The following USP26 variants were observed in gnomAD, a reference collection of about 807,000 sequenced individuals.
The protein encoded by USP26 is ubiquitin carboxyl-terminal hydrolase 26.
For missense variants in USP26, 649 were observed against 642.3 expected (o/e 1.01, Z -0.11); for synonymous variants, 236 against 240.6 (o/e 0.98, Z 0.18).
chrX:133,056,957 C>T (rs1602979588), intron 5 of USP26, among the ~76,000 whole-genome samples: 1 of 111,973 alleles, frequency 8.9e-6, no homozygotes, highest in South Asian at 3.8e-4. Context: ...GCATGCTAGA[C>T]ACTGATACAT....
At chrX:133,064,476 GAAGTAAAACAC>G (rs745444955) in intron 5 of USP26, among the ~76,000 whole-genome samples, 6 of 111,427 alleles carry the variant, frequency 5.4e-5, no homozygotes, top group Non-Finnish European at 9.4e-5. Context: ...CACATAATTG[GAAGTAAAACAC>G]TCCACAACAA....
intron 5 of USP26, among the ~76,000 whole-genome samples, chrX:133,043,249 G>T (rs1010839241): frequency 2.7e-5 from 3 of 112,090 alleles, no homozygotes; most frequent in Admixed American, 9.4e-5. Context: ...AGAAAGGTGA[G>T]ATTGTAGGAA....
chrX:133,027,059 C>T lies in USP26; in HGVS notation c.1162G>A (p.Ala388Thr). Reference sequence around the variant, plus strand: ...TCTTTCAGTTGATCTAAACAGTGAGCTAAAAACTCATGAGCATCGTTCTGT... The same window carrying T: ...TCTTTCAGTTGATCTAAACAGTGAGTTAAAAACTCATGAGCATCGTTCTGT... ...NAQNDAHEFLAHCLDQLKDNM... is the reference protein window; with the variant it reads ...NAQNDAHEFLTHCLDQLKDNM... The change falls in exon 6 of 6, where the codon GCT becomes ACT. Residue 388 changes from alanine (A) to threonine (T), a missense_variant. Physicochemically the swap from Ala to Thr is moderately conservative, Grantham distance 58. Coordinates refer to ENST00000511190, the MANE Select transcript of USP26 (RefSeq NM_031907.3). The T allele has an allele frequency of 8.3e-7, 1 of 1,211,444 alleles. No homozygotes were observed.
intron 5 of USP26, among the ~76,000 whole-genome samples, chrX:133,047,600 T>C (rs1569510112): frequency 8.9e-6 from 1 of 111,871 alleles, no homozygotes; most frequent in East Asian, 2.8e-4. Context: ...GGACTGAACG[T>C]TTATCCCCAC....
In USP26 at chrX:133,027,230, C is replaced by T. The variant is rs779481758; in HGVS notation, c.991G>A (p.Gly331Ser). Reference protein sequence around the residue: ...DDLLNQSFPWGKIPLNALTMC... With the variant: ...DDLLNQSFPWSKIPLNALTMC... Reference sequence around the variant, plus strand: ...GTAAGAGCATTAAGGGGAATTTTACCCCATGGGAAACTCTGATTAAGTAAA... The same window carrying T: ...GTAAGAGCATTAAGGGGAATTTTACTCCATGGGAAACTCTGATTAAGTAAA... The change falls in exon 6 of 6, where the codon GGT becomes AGT. Residue 331 changes from glycine to serine, a missense_variant. Transcript: ENST00000511190. The T allele has an allele frequency of 8.3e-7, 1 of 1,210,291 alleles. No homozygotes were observed. Among genetic ancestry groups the T allele is most frequent in the Non-Finnish European group, 1.1e-6 (1 of 894,589 alleles).
In USP26 at chrX:133,045,266, T is replaced by G. The variant is rs59603630; in HGVS notation, c.-76-16970A>C. 7.3e-4 allele frequency among the ~76,000 whole-genome samples: 82 copies of G among 111,577 alleles called. No homozygotes were observed. In the East Asian group the frequency reaches 0.018, roughly 25 times the overall value. On this transcript the variant is annotated intron_variant, in intron 5 of 5. Coordinates refer to ENST00000511190, the MANE Select transcript of USP26 (RefSeq NM_031907.3). ...CTAATCTAGTGGGGACTTGGAGAACTTTTGTGTCTAGCTCAGGGATTGTAA... is the reference window on the plus strand; with the variant it reads ...CTAATCTAGTGGGGACTTGGAGAACGTTTGTGTCTAGCTCAGGGATTGTAA...
Position 133,025,433 on chromosome X carries a change from G to A in USP26, c.*46C>T, listed in dbSNP as rs773428130. 10 of 1,208,253 alleles carry A rather than the reference G, an allele frequency of 8.3e-6. No homozygotes were observed. The Admixed American group carries it at 8.7e-5, about 11-fold the overall frequency. ...TTCCTTCCATGGAGGAAGTGGTATC[G>A]AGTGAGACAGTCAGGCAGATCTGTA... On this transcript the variant is annotated 3_prime_UTR_variant, in exon 6 of 6. Coordinates refer to ENST00000511190, the MANE Select transcript of USP26 (RefSeq NM_031907.3).
intron 5 of USP26, among the ~76,000 whole-genome samples, chrX:133,040,465 G>C (rs990310535): frequency 3.6e-5 from 4 of 111,520 alleles, no homozygotes; most frequent in Non-Finnish European, 5.6e-5. Flanking sequence ...AGTTTGGCTG[G>C]ATATGAAATT....
chrX:133,073,373 G>C (rs1779418499), intron 5 of USP26, among the ~76,000 whole-genome samples: 1 of 105,469 alleles, frequency 9.5e-6, no homozygotes, highest in African/African-American at 3.5e-5. Flanking sequence ...TTTCTCCAAG[G>C]ACATCTAATG....
rs943008934 is a variant in USP26, at chrX:133,060,150, A to G, written c.-77+23557T>C. 2.2e-4 allele frequency among the ~76,000 whole-genome samples: 24 copies of G among 111,409 alleles called. No homozygotes were observed. In the Admixed American group the frequency reaches 2.3e-3, roughly 11 times the overall value. ...GTGTATGAGAATAGTTTTTATTTTTATGTAAGCACTTCTCTAAGAGCCTGA... is the reference window on the plus strand; with the variant it reads ...GTGTATGAGAATAGTTTTTATTTTTGTGTAAGCACTTCTCTAAGAGCCTGA... On this transcript the variant is annotated intron_variant, in intron 5 of 5. Coordinates refer to ENST00000511190, the MANE Select transcript of USP26 (RefSeq NM_031907.3).
chrX:133,044,836 G>A (rs1486901302), intron 5 of USP26, among the ~76,000 whole-genome samples: 2 of 113,486 alleles, frequency 1.8e-5, no homozygotes, highest in African/African-American at 6.4e-5. Flanking sequence ...GAAGCCAGCT[G>A]GGCTCCTGAG....
intron 5 of USP26, among the ~76,000 whole-genome samples, chrX:133,080,425 C>G (rs2067566011): frequency 9.0e-6 from 1 of 111,280 alleles, no homozygotes; most frequent in Admixed American, 9.6e-5. Context: ...AGGCAGCAAC[C>G]ACCACTGCAG....
intron 5 of USP26, among the ~76,000 whole-genome samples, chrX:133,050,214 A>G (rs28369608): frequency 0.014 from 1,610 of 111,787 alleles, 39 homozygotes; most frequent in African/African-American, 0.05. Context: ...TATTACTCTT[A>G]CATACAACTT....
At chrX:133,055,493 C>G (rs2067472114) in intron 5 of USP26, among the ~76,000 whole-genome samples, 1 of 111,505 alleles carries the variant, frequency 9.0e-6, no homozygotes, top group Non-Finnish European at 1.9e-5. Context: ...GCCAAACTGC[C>G]CTTTAAACAT....
At chrX:133,032,463 G>A (rs2067381089) in intron 5 of USP26, among the ~76,000 whole-genome samples, 2 of 112,008 alleles carry the variant, frequency 1.8e-5, no homozygotes, top group Admixed American at 9.5e-5. Context: ...TAAAAGAATT[G>A]AAGAGAAAGA....
intron 5 of USP26, among the ~76,000 whole-genome samples, chrX:133,060,687 G>A (rs929209034): frequency 1.8e-5 from 2 of 111,002 alleles, no homozygotes; most frequent in African/African-American, 6.5e-5. Context: ...AAATATACTG[G>A]GGCAATCTTA....
intron 5 of USP26, among the ~76,000 whole-genome samples, chrX:133,046,412 A>G (rs1163981035): frequency 8.9e-6 from 1 of 112,124 alleles, no homozygotes; most frequent in East Asian, 2.8e-4. Context: ...TGTCTTATCT[A>G]AAGGATCAGT....
At chrX:133,043,558 C>T (rs2067426724) in intron 5 of USP26, among the ~76,000 whole-genome samples, 1 of 112,544 alleles carries the variant, frequency 8.9e-6, no homozygotes, top group African/African-American at 3.2e-5. Flanking sequence ...AGTCCTGACA[C>T]TTGACTAAGG....
chrX:133,064,339 G>A (rs2067504287), intron 5 of USP26, among the ~76,000 whole-genome samples: 1 of 111,341 alleles, frequency 9.0e-6, no homozygotes, highest in Non-Finnish European at 1.9e-5. Context: ...AAATTAACAC[G>A]GATATTCAGG....
Sources: allele counts gnomAD v4.1 joint callset (sites outside exome capture counted in the v4.1 genomes callset), GRCh38; gene constraint gnomAD v4.1.1; transcripts MANE v1.5; gene names NCBI Gene and HGNC (gene_info 2026-07-23, HGNC 2026-07-21).